Variants in XRCC4 observed in about 807,000 individuals in gnomAD.
XRCC4 encodes the protein X-ray repair cross complementing 4.
Under a neutral mutation model 39.1 loss-of-function variants are expected in XRCC4, and 28 were observed. The observed-to-expected ratio is 0.72, with a 90% CI of 0.53 to 0.98. XRCC4 has a LOEUF of 0.98. XRCC4 is among the 50% of genes least tolerant of loss of function. The pLI, the probability that XRCC4 is intolerant of heterozygous loss-of-function variation, is 0.00. For missense variants in XRCC4, 350 were observed against 376.4 expected (o/e 0.93, Z 0.58); for synonymous variants, 123 against 126.4 (o/e 0.97, Z 0.18).
At chr5:83,241,190 C>A (rs1383982657) in intron 6 of XRCC4, among the ~76,000 whole-genome samples, 1 of 150,736 alleles carries the variant, frequency 6.6e-6, no homozygotes, top group Non-Finnish European at 1.5e-5. Context: ...TTGCAGTGAG[C>A]CCAGATCATG....
chr5:83,216,517 G>A (rs1465706916), intron 6 of XRCC4, among the ~76,000 whole-genome samples: 2 of 152,114 alleles, frequency 1.3e-5, no homozygotes, highest in African/African-American at 2.4e-5. Context: ...ATACTTGACT[G>A]TTCATCAGAG....
intron 1 of XRCC4, among the ~76,000 whole-genome samples, chr5:83,095,217 G>T (rs1053521591): frequency 5.9e-5 from 9 of 152,178 alleles, no homozygotes; most frequent in Non-Finnish European, 7.4e-5. Context: ...AGCTACATAG[G>T]TTCTCTTATC....
At chr5:83,291,971 G>GTGTC (rs1366328403) in intron 7 of XRCC4, among the ~76,000 whole-genome samples, 1 of 151,394 alleles carries the variant, frequency 6.6e-6, no homozygotes, top group Non-Finnish European at 1.5e-5. Context: ...GTGTGTGTGT[G>GTGTC]TGTGTGTGTG....
chr5:83,367,956 CA>C, the XRCC4 span, among the ~76,000 whole-genome samples: 1 of 151,740 alleles, frequency 6.6e-6, no homozygotes, highest in Non-Finnish European at 1.5e-5. Context: ...ATACCATACA[CA>C]GGTGTGGAAC....
intron 3 of XRCC4, among the ~76,000 whole-genome samples, chr5:83,171,672 T>C (rs1012535199): frequency 1.6e-4 from 25 of 152,312 alleles, no homozygotes; most frequent in South Asian, 1.0e-3. Context: ...CTGAAGATAC[T>C]TGACTTTGTA....
At chr5:83,202,615 A>G (rs1398413159) in intron 4 of XRCC4, among the ~76,000 whole-genome samples, 1 of 152,146 alleles carries the variant, frequency 6.6e-6, no homozygotes. Context: ...TACTACTGGT[A>G]TATATGTGTG....
intron 3 of XRCC4, among the ~76,000 whole-genome samples, chr5:83,111,722 T>C (rs983381553): frequency 9.2e-5 from 14 of 152,130 alleles, no homozygotes; most frequent in Non-Finnish European, 1.8e-4. Context: ...AGCCTAAGCT[T>C]TGCAAACAAG....
chr5:83,165,784 C>T (rs951477643), intron 3 of XRCC4, among the ~76,000 whole-genome samples: 11 of 152,022 alleles, frequency 7.2e-5, no homozygotes, highest in African/African-American at 2.7e-4. Context: ...ATGGCCTCTG[C>T]TTCCATCCAT....
At chr5:83,274,004 A>G (rs1030553187) in intron 7 of XRCC4, among the ~76,000 whole-genome samples, 16 of 152,054 alleles carry the variant, frequency 1.1e-4, no homozygotes, top group African/African-American at 3.9e-4. Context: ...GCTCACCACT[A>G]TGTGAGCAAG....
At chr5:83,144,064 C>T (rs923436714) in intron 3 of XRCC4, among the ~76,000 whole-genome samples, 2 of 151,886 alleles carry the variant, frequency 1.3e-5, no homozygotes. Context: ...CTCTGCCTTC[C>T]CCCCTTCTGA....
At chr5:83,275,355 C>T (rs369406353) in intron 7 of XRCC4, among the ~76,000 whole-genome samples, 9 of 146,820 alleles carry the variant, frequency 6.1e-5, no homozygotes, top group African/African-American at 1.8e-4. Flanking sequence ...AGTGCAGTGG[C>T]GGGATCTCGG....
intron 4 of XRCC4, among the ~76,000 whole-genome samples, chr5:83,198,889 C>T (rs1248145493): frequency 6.6e-6 from 1 of 151,668 alleles, no homozygotes; most frequent in African/African-American, 2.4e-5. Flanking sequence ...AAGATGTGTA[C>T]GTGAATCCTT....
intron 6 of XRCC4, among the ~76,000 whole-genome samples, chr5:83,215,939 A>G (rs548914481): frequency 6.6e-6 from 1 of 152,312 alleles, no homozygotes; most frequent in East Asian, 1.9e-4. Flanking sequence ...AGCACAATAC[A>G]TAAATGAAAA....
chr5:83,244,828 G>A (rs918695339), intron 6 of XRCC4, among the ~76,000 whole-genome samples: 5 of 152,234 alleles, frequency 3.3e-5, no homozygotes, highest in African/African-American at 1.2e-4. Flanking sequence ...ACAAACTGTT[G>A]TCCAATGTGG....
chr5:83,172,524 A>C (rs1208316660), intron 3 of XRCC4, among the ~76,000 whole-genome samples: 1 of 152,146 alleles, frequency 6.6e-6, no homozygotes, highest in Non-Finnish European at 1.5e-5. Flanking sequence ...AGAAGGATGA[A>C]GTTTATAGTG....
intron 3 of XRCC4, among the ~76,000 whole-genome samples, chr5:83,112,184 A>G (rs1451552429): frequency 1.3e-5 from 2 of 152,208 alleles, no homozygotes. Context: ...ATAAGTTTCA[A>G]TATGCTGAAT....
intron 7 of XRCC4, 198 bp downstream of exon 7, chr5:83,258,875 C>A: frequency 1.4e-6 from 1 of 723,702 alleles, no homozygotes; most frequent in Non-Finnish European, 2.1e-6. Flanking sequence ...AGCTGAAATG[C>A]TGAGAACGTA....
intron 7 of XRCC4, among the ~76,000 whole-genome samples, chr5:83,315,647 G>C (rs770895720): frequency 1.3e-5 from 2 of 152,038 alleles, no homozygotes; most frequent in Non-Finnish European, 2.9e-5. Flanking sequence ...TGCTGCCTTT[G>C]CTCAAGAAAT....
At chr5:83,115,423 G>A (rs1746663454) in intron 3 of XRCC4, among the ~76,000 whole-genome samples, 1 of 150,302 alleles carries the variant, frequency 6.7e-6, no homozygotes, top group Non-Finnish European at 1.5e-5. Flanking sequence ...GTGAAACTCT[G>A]TCTCAAAAAA....
Sources: allele counts gnomAD v4.1 joint callset (sites outside exome capture counted in the v4.1 genomes callset), GRCh38; gene constraint gnomAD v4.1.1; transcripts MANE v1.5; gene names NCBI Gene and HGNC (gene_info 2026-07-23, HGNC 2026-07-21).